The following EDIL3 variants were observed in gnomAD, a reference collection of about 807,000 sequenced individuals.
EDIL3 encodes the protein EGF-like repeat and discoidin I-like domain-containing protein 3.
In EDIL3, 37 loss-of-function variants were observed where a neutral mutation model predicts 67.4. That is an observed-to-expected ratio of 0.55 (90% confidence interval 0.42 to 0.72). EDIL3 has a LOEUF of 0.72. Ranked by LOEUF, EDIL3 falls within the 30% of genes least tolerant of loss-of-function variation. EDIL3 has a pLI of 0.00. For missense variants in EDIL3, 527 were observed against 586.3 expected, an observed-to-expected ratio of 0.90 and a Z score of 1.04; for synonymous variants, 195 against 196.3, an observed-to-expected ratio of 0.99 and a Z score of 0.05.
intron 2 of EDIL3, among the ~76,000 whole-genome samples, chr5:84,245,925 A>C (rs2112065849): frequency 6.6e-6 from 1 of 152,116 alleles, no homozygotes; most frequent in South Asian, 2.1e-4. Flanking sequence ...AAAAAAAAAA[A>C]AAAAAAAATC....
intron 2 of EDIL3, among the ~76,000 whole-genome samples, chr5:84,233,821 T>C (rs759639121): frequency 9.9e-5 from 15 of 152,130 alleles, no homozygotes; most frequent in Admixed American, 2.0e-4. Context: ...CAGAGGCTTG[T>C]GGCCCCAGAA....
chr5:84,229,269 G>T (rs544259755), intron 3 of EDIL3, among the ~76,000 whole-genome samples: 3 of 152,230 alleles, frequency 2.0e-5, no homozygotes, highest in African/African-American at 2.4e-5. Context: ...TCAGGCCACA[G>T]CCTGTGTTTG....
At chr5:84,002,909 AGGGCCCCTGGTTT>A (rs1473910706) in intron 9 of EDIL3, among the ~76,000 whole-genome samples, 1 of 152,152 alleles carries the variant, frequency 6.6e-6, no homozygotes, top group African/African-American at 2.4e-5. Context: ...TTCTCTAGGC[AGGGCCCCTGGTTT>A]GGGCCCACAG....
chr5:84,069,502 A>T (rs66578003), intron 6 of EDIL3, among the ~76,000 whole-genome samples: 28,792 of 152,166 alleles, frequency 0.19, 3,036 homozygotes, highest in Admixed American at 0.24. Flanking sequence ...TAAAACATTA[A>T]CAACATCTGC....
rs1744241259 is a variant in EDIL3 at position 83,942,460 on chromosome 5, A to G, written c.*959T>C. On this transcript the variant is annotated 3_prime_UTR_variant, in exon 11 of 11. Coordinates refer to ENST00000296591, the MANE Select transcript of EDIL3 (RefSeq NM_005711.5). ...TTAATATTTCTTTGCTAAATTTTTT[A>G]TAAAATAAACAAATAAGCCGATTTT... is the stretch of plus-strand genomic sequence containing the variant. 1 of 152,062 alleles carries G rather than the reference A, an allele frequency of 6.6e-6. No homozygotes were observed. The highest frequency in any genetic ancestry group is 2.4e-5 in the African/African-American group (1 of 41,448). The allele number at this position is 152,062 out of a possible 1,614,324, so 9.4% of individuals were successfully genotyped here.
At chr5:84,319,007 C>G (rs1228577815) in intron 1 of EDIL3, among the ~76,000 whole-genome samples, 1 of 152,128 alleles carries the variant, frequency 6.6e-6, no homozygotes, top group Non-Finnish European at 1.5e-5. Context: ...TGAACAGACA[C>G]TACTCAAAAG....
chr5:84,382,789 C>T (rs569739867), intron 1 of EDIL3, among the ~76,000 whole-genome samples: 2 of 152,194 alleles, frequency 1.3e-5, no homozygotes, highest in South Asian at 2.1e-4. Flanking sequence ...GCTGCCTTTG[C>T]CTATTAACTG....
chr5:84,066,688 A>T, intron 6 of EDIL3, 82 bp from the exon 7 acceptor site: 1 of 1,499,158 alleles, frequency 6.7e-7, no homozygotes. Flanking sequence ...GAAATGAAAC[A>T]TTGTTAATGC....
In EDIL3 at chr5:84,066,484, T is replaced by C. The variant is rs1341383036; in HGVS notation, c.774A>G (p.Ala258=). Residue 258 remains alanine (A), a synonymous_variant, in exon 7 of 11, where the codon GCA becomes GCG. Transcript: ENST00000296591. Reference sequence around the variant, plus strand: ...CATTGGTGCCTTTCACTTTGTACATTGCCCAAGTCTTTCCATCATTACTGT... The same window carrying C: ...CATTGGTGCCTTTCACTTTGTACATCGCCCAAGTCTTTCCATCATTACTGT... The part of the protein sequence containing the change: ...IAYSNDGKTW[A]MYKVKGTNED... 4.3e-6 allele frequency: 7 copies of C among 1,610,298 alleles called. No individual in the cohort carries two copies. The highest frequency in any genetic ancestry group is 1.7e-5 in the Admixed American group (1 of 59,150).
chr5:83,953,923 A>G (rs1365995905), intron 10 of EDIL3, among the ~76,000 whole-genome samples: 1 of 151,826 alleles, frequency 6.6e-6, no homozygotes, highest in Non-Finnish European at 1.5e-5. Flanking sequence ...ACTACGTAAA[A>G]ATCATTGCCA....
chr5:84,352,052 T>C (rs1046877832), intron 1 of EDIL3, among the ~76,000 whole-genome samples: 3 of 151,942 alleles, frequency 2.0e-5, no homozygotes, highest in Admixed American at 2.0e-4. Context: ...ATATCACTAA[T>C]CAACAGAGAA....
At position 84,366,381 on chromosome 5, in the gene EDIL3, C is replaced by A. The variant is rs73146531; in HGVS notation, c.67+17927G>T. On this transcript the variant is annotated intron_variant, in intron 1 of 10. Transcript: ENST00000296591. ...CTTACAAGTCAGGCTCTATTATTAT[C>A]CCCGTTTTACACATGAGAAAACCAA... Among the ~76,000 whole-genome samples the A allele has an allele frequency of 2.4e-3, 362 of 152,186 alleles. 1 individual carries two copies. The highest frequency in any genetic ancestry group is 8.5e-3 in the African/African-American group (353 of 41,510).
At chr5:84,218,393 GT>G (rs924103865) in intron 3 of EDIL3, among the ~76,000 whole-genome samples, 101 of 152,322 alleles carry the variant, frequency 6.6e-4, no homozygotes, top group African/African-American at 2.2e-3. Context: ...AGTAAATTTA[GT>G]TGTTCCTATA....
intron 6 of EDIL3, among the ~76,000 whole-genome samples, chr5:84,079,744 A>G (rs1746928447): frequency 6.6e-6 from 1 of 152,124 alleles, no homozygotes; most frequent in African/African-American, 2.4e-5. Flanking sequence ...AATGATTTGG[A>G]TTGCAAATAT....
At chr5:84,255,036 A>G (rs1745101280) in intron 1 of EDIL3, among the ~76,000 whole-genome samples, 1 of 152,108 alleles carries the variant, frequency 6.6e-6, no homozygotes, top group Admixed American at 6.5e-5. Context: ...GAGTAAGGAG[A>G]TTTCCGGGCA....
intron 3 of EDIL3, among the ~76,000 whole-genome samples, chr5:84,227,337 T>C (rs1407502050): frequency 6.6e-6 from 1 of 151,960 alleles, no homozygotes; most frequent in Non-Finnish European, 1.5e-5. Flanking sequence ...AAAAAAATGC[T>C]CATCATCACT....
chr5:84,256,616 G>A (rs1745129258), intron 1 of EDIL3, among the ~76,000 whole-genome samples: 1 of 152,144 alleles, frequency 6.6e-6, no homozygotes, highest in African/African-American at 2.4e-5. Flanking sequence ...AAGGCCATAT[G>A]AATCAAGGTC....
chr5:84,023,576 A>C (rs1745755723), intron 9 of EDIL3, among the ~76,000 whole-genome samples: 1 of 152,078 alleles, frequency 6.6e-6, no homozygotes. Context: ...AAACTGAACA[A>C]AAGTTTAAGT....
intron 1 of EDIL3, among the ~76,000 whole-genome samples, chr5:84,274,967 C>A (rs1031558067): frequency 6.6e-6 from 1 of 152,124 alleles, no homozygotes. Flanking sequence ...ATAAGATATA[C>A]TCATAAAATT....
Sources: allele counts gnomAD v4.1 joint callset (sites outside exome capture counted in the v4.1 genomes callset), GRCh38; gene constraint gnomAD v4.1.1; transcripts MANE v1.5; gene names NCBI Gene and HGNC (gene_info 2026-07-23, HGNC 2026-07-21).